The following UGT1A10 variants were observed in gnomAD, a reference collection of about 807,000 sequenced individuals.
The protein encoded by UGT1A10 is UDP-glucuronosyltransferase 1A10.
Under a neutral mutation model 45.8 loss-of-function variants are expected in UGT1A10, and 49 were observed. The observed-to-expected ratio is 1.07, with a 90% CI of 0.85 to 1.36. The LOEUF (loss-of-function observed/expected upper bound fraction) is 1.36, where lower values mean the gene tolerates loss of function less well. Ranked by LOEUF, UGT1A10 falls within the 40% of genes most tolerant of loss-of-function variation. UGT1A10 has a pLI of 0.00. For synonymous variants in UGT1A10, 284 were observed against 249.7 expected, an observed-to-expected ratio of 1.14 and a Z score of -1.29; for missense variants, 745 against 668.6, an observed-to-expected ratio of 1.11 and a Z score of -1.26.
intron 4 of UGT1A10, chr2:233,771,409 C>G (rs1252416049): frequency 6.6e-6 from 1 of 152,166 alleles, no homozygotes; most frequent in Non-Finnish European, 1.5e-5. Flanking sequence ...TGAACACTGT[C>G]CAGAATAAAC....
At chr2:233,751,023 A>T (rs193102367) in intron 1 of UGT1A10, among the ~76,000 whole-genome samples, 1 of 151,978 alleles carries the variant, frequency 6.6e-6, no homozygotes, top group East Asian at 1.9e-4. Flanking sequence ...TAGTAGATCC[A>T]ATAGCTTGCA....
chr2:233,764,590 G>A (rs1263378964), intron 1 of UGT1A10, among the ~76,000 whole-genome samples: 1 of 152,150 alleles, frequency 6.6e-6, no homozygotes, highest in Non-Finnish European at 1.5e-5. Context: ...GCCTTTTCCA[G>A]ATGAGCTTCA....
At chr2:233,658,210 G>C (rs985871352) in intron 1 of UGT1A10, among the ~76,000 whole-genome samples, 1 of 151,932 alleles carries the variant, frequency 6.6e-6, no homozygotes, top group Non-Finnish European at 1.5e-5. Flanking sequence ...GTAGACACAG[G>C]GTTTCACCAT....
rs1354115874 is a variant in UGT1A10 at position 233,743,513 on chromosome 2, T to A, written c.856-23521T>A. 4 of 1,367,280 alleles carry A rather than the reference T, an allele frequency of 2.9e-6. No homozygotes were observed. In the South Asian group the frequency reaches 3.4e-5, roughly 12 times the overall value. The allele number at this position is 1,367,280 out of a possible 1,614,324, so 84.7% of individuals were successfully genotyped here. ...GCAGAGAAAAGGGGTGCAGACGCTC[T>A]GCTTCTGCTTCCCCAGCAGTTCCTC... On this transcript the variant is annotated intron_variant, in intron 1 of 4. Transcript: ENST00000344644.
rs72551340 is a variant in UGT1A10, at chr2:233,760,509, C to A, written c.856-6525C>A. 17 of 1,614,154 alleles carry A rather than the reference C, an allele frequency of 1.1e-5. No homozygotes were observed. Among genetic ancestry groups the A allele is most frequent in the Non-Finnish European group, 4.2e-6 (5 of 1,180,060 alleles). ...TGTACATCAGAGACGGAGCATTTTA[C>A]ACCTTGAAGACGTACCCTGTGCCAT... is the stretch of plus-strand genomic sequence containing the variant. On this transcript the variant is annotated intron_variant, in intron 1 of 4. Transcript: ENST00000344644.
At chr2:233,673,849 A>G (rs2074266890) in intron 1 of UGT1A10, among the ~76,000 whole-genome samples, 1 of 152,212 alleles carries the variant, frequency 6.6e-6, no homozygotes, top group African/African-American at 2.4e-5. Context: ...TGTACAATAT[A>G]CAATGTCAAC....
Position 233,636,513 on chromosome 2 carries a change from C to A in UGT1A10, c.-10C>A. 6.2e-7 allele frequency: 1 copy of A among 1,607,350 alleles called. No individual in the cohort carries two copies. The highest frequency in any genetic ancestry group is 1.7e-5 in the Admixed American group (1 of 59,636). ...GAATCCCAGCTGCTGGCTCGGGCTGCAGTTCTCTCATGGCTCGCGCAGGGT... is the reference window on the plus strand; with the variant it reads ...GAATCCCAGCTGCTGGCTCGGGCTGAAGTTCTCTCATGGCTCGCGCAGGGT... On this transcript the variant is annotated 5_prime_UTR_variant, in exon 1 of 5. Transcript: ENST00000344644.
chr2:233,739,406 C>T (rs1344467177), intron 1 of UGT1A10, among the ~76,000 whole-genome samples: 1 of 152,190 alleles, frequency 6.6e-6, no homozygotes, highest in Non-Finnish European at 1.5e-5. Context: ...CAATGCCACC[C>T]TCTGAAAGCA....
At chr2:233,709,935 G>T (rs984071244) in intron 1 of UGT1A10, among the ~76,000 whole-genome samples, 8 of 152,098 alleles carry the variant, frequency 5.3e-5, no homozygotes, top group Non-Finnish European at 1.2e-4. Context: ...GGCAACCCTG[G>T]ATGGTTTCTG....
At chr2:233,696,209 G>A (rs2075331761) in intron 1 of UGT1A10, among the ~76,000 whole-genome samples, 1 of 152,136 alleles carries the variant, frequency 6.6e-6, no homozygotes, top group Admixed American at 6.5e-5. Context: ...GTTTATTATA[G>A]CACTATTCAC....
intron 1 of UGT1A10, among the ~76,000 whole-genome samples, chr2:233,724,753 G>A (rs1402032405): frequency 3.5e-5 from 5 of 143,708 alleles, no homozygotes; most frequent in African/African-American, 1.1e-4. Context: ...CATCCCAGAC[G>A]ATGGGCGGCC....
At chr2:233,692,730 T>C in intron 1 of UGT1A10, 1 of 933,346 alleles carries the variant, frequency 1.1e-6, no homozygotes, top group Non-Finnish European at 1.4e-6. Flanking sequence ...CTATAACTTT[T>C]CAGAGAGGGA....
chr2:233,649,596 A>G lies in UGT1A10; in HGVS notation c.855+12219A>G, dbSNP rs150642758. ...TTACTATGCGTTTTTACTTGCCAGT[A>G]AACCAGAGACATCTTCACAGATTTG... On this transcript the variant is annotated intron_variant, in intron 1 of 4. Coordinates refer to ENST00000344644, the MANE Select transcript of UGT1A10 (RefSeq NM_019075.4). Among the ~76,000 whole-genome samples the G allele has an allele frequency of 2.2e-3, 337 of 152,360 alleles. 2 individuals are homozygous for G. The highest frequency in any genetic ancestry group is 7.8e-3 in the African/African-American group (324 of 41,584).
In UGT1A10 at chr2:233,749,724, G is replaced by A. The variant is rs575391114; in HGVS notation, c.856-17310G>A. Among the ~76,000 whole-genome samples the A allele has an allele frequency of 6.1e-4, 93 of 151,922 alleles. 2 individuals are homozygous for A. The highest frequency in any genetic ancestry group is 1.9e-3 in the African/African-American group (77 of 41,238). On this transcript the variant is annotated intron_variant, in intron 1 of 4. Coordinates refer to ENST00000344644, the MANE Select transcript of UGT1A10 (RefSeq NM_019075.4). ...GTGATTGGATCATGGGGGCAGTTTC[G>A]CACCTGCTGGTCTCATCATAGTGAG...
intron 1 of UGT1A10, chr2:233,693,408 C>A (rs1198396462): frequency 6.2e-7 from 1 of 1,614,044 alleles, no homozygotes; most frequent in Non-Finnish European, 8.5e-7. Context: ...GACAGGGACA[C>A]CCTGAACTTC....
intron 1 of UGT1A10, among the ~76,000 whole-genome samples, chr2:233,639,050 C>T (rs909292177): frequency 1.3e-5 from 2 of 152,248 alleles, no homozygotes; most frequent in East Asian, 1.9e-4. Flanking sequence ...CCTGAACCCA[C>T]GCTGAGTTTA....
At chr2:233,695,502 G>T (rs1032261518) in intron 1 of UGT1A10, among the ~76,000 whole-genome samples, 2 of 151,336 alleles carry the variant, frequency 1.3e-5, no homozygotes, top group African/African-American at 2.4e-5. Flanking sequence ...CAAAGTTTTT[G>T]GAGTATTACA....
chr2:233,718,423 G>A (rs1017112190), intron 1 of UGT1A10, among the ~76,000 whole-genome samples: 2 of 152,246 alleles, frequency 1.3e-5, no homozygotes. Context: ...CAGAGAACAT[G>A]TGGTTGGGGA....
In UGT1A10 at chr2:233,648,364, GA is replaced by G. The variant is rs1410153612; in HGVS notation, c.855+10989del. On this transcript the variant is annotated intron_variant, in intron 1 of 4. Transcript: ENST00000344644. ...CAGAGGAATACTTTGACATTACCTT[GA>G]AGAAGGTGCACAGTGCCCTGCTTCT... is the stretch of plus-strand genomic sequence containing the variant. The G allele has an allele frequency of 1.0e-5, 4 of 401,844 alleles. No individual in the cohort carries two copies. In the Admixed American group the frequency reaches 1.1e-4, roughly 11 times the overall value. The allele number at this position is 401,844 out of a possible 1,614,324, so 24.9% of individuals were successfully genotyped here. A position where few individuals can be genotyped will look rare whatever the true frequency, so the allele number is the denominator to read the frequency against.
Sources: gnomAD v4.1 joint callset for allele counts (sites outside exome capture counted in the v4.1 genomes callset) on GRCh38, gnomAD v4.1.1 for gene constraint, MANE v1.5 for transcripts, NCBI Gene and HGNC (gene_info 2026-07-23, HGNC 2026-07-21) for gene names.